The following CAPN15 variants were observed in gnomAD, a reference collection of about 807,000 sequenced individuals.
CAPN15 encodes the protein calpain 15.
Under a neutral mutation model 97.9 loss-of-function variants are expected in CAPN15, and 53 were observed. The observed-to-expected ratio is 0.54, with a 90% CI of 0.43 to 0.68. The LOEUF (loss-of-function observed/expected upper bound fraction) is 0.68. CAPN15 is among the 30% of genes least tolerant of loss of function. The probability of loss-of-function intolerance (pLI) is 0.00; values close to 1 mark genes in which losing one functional copy is unlikely to be tolerated. For synonymous variants in CAPN15, 922 were observed against 722.5 expected (o/e 1.28, Z -4.43); for missense variants, 1,592 against 1,589.8 (o/e 1.00, Z -0.02).
intron 3 of CAPN15, chr16:538,878 C>CG (rs1234682337): frequency 6.6e-6 from 1 of 151,782 alleles, no homozygotes; most frequent in African/African-American, 2.4e-5. Context: ...CACCCCCACC[C>CG]CCCCCAGCCC....
chr16:528,477 G>A (rs1235329440), intron 1 of CAPN15, among the ~76,000 whole-genome samples: 1 of 152,202 alleles, frequency 6.6e-6, no homozygotes, highest in African/African-American at 2.4e-5. Flanking sequence ...GCCTGGGGGC[G>A]GCCACCTGGC....
At chr16:544,896 G>A (rs1360883897) in intron 3 of CAPN15, among the ~76,000 whole-genome samples, 1 of 119,336 alleles carries the variant, frequency 8.4e-6, no homozygotes, top group African/African-American at 3.4e-5. Context: ...CTCCCCCCAC[G>A]TCGTCGTCTC....
At position 546,930 on chromosome 16, in the gene CAPN15, A is replaced by C; in HGVS notation, c.92A>C (p.His31Pro). 6.2e-7 allele frequency: 1 copy of C among 1,610,870 alleles called. No individual in the cohort carries two copies. The highest frequency in any genetic ancestry group is 1.1e-5 in the South Asian group (1 of 91,072). ...RQCSICEAPR[H>P]KPDLNHILRL... is the part of the protein sequence containing the mutation. ...TGCTCCATCTGCGAGGCTCCCCGGCACAAGCCCGACCTCAACCACATCCTG... is the reference window on the plus strand; with the variant it reads ...TGCTCCATCTGCGAGGCTCCCCGGCCCAAGCCCGACCTCAACCACATCCTG... The change falls in exon 4 of 14, where the codon CAC becomes CCC. Residue 31 changes from histidine (H) to proline (P), a missense_variant. His to Pro is a moderately conservative substitution (Grantham distance 77). This residue lies in a region of CAPN15 where 883 missense variants were observed against 776.6 expected (regional missense o/e 1.14). Transcript: ENST00000219611.
At chr16:528,637 G>A (rs2033024951) in intron 1 of CAPN15, 1 of 764,738 alleles carries the variant, frequency 1.3e-6, no homozygotes, top group Admixed American at 6.2e-5. Flanking sequence ...CCTGACCGGG[G>A]GAACTCTTGT....
At chr16:534,116 C>T (rs1052035432) in intron 2 of CAPN15, 118 bp downstream of exon 2, 2 of 247,868 alleles carry the variant, frequency 8.1e-6, no homozygotes, top group Admixed American at 1.5e-4. Flanking sequence ...GCCCTTGATT[C>T]ACAGAACCCC....
At position 552,741 on chromosome 16, in the gene CAPN15, G is replaced by A. The variant is rs981251693; in HGVS notation, c.2874G>A (p.Leu958=). The change falls in exon 12 of 14, where the codon CTG becomes CTA. Residue 958 remains leucine (L), a synonymous_variant. Coordinates refer to ENST00000219611, the MANE Select transcript of CAPN15 (RefSeq NM_005632.3). This position sits in a 1 kb window ranked among gnomAD's most constrained non-coding sequence, Gnocchi z 6.4. ...QPTTLADAII[L]LTESRGERHE... ...CCACGCTGGCCGACGCCATCATCCT[G>A]CTCACCGAGAGCCGCGGAGAGCGGC... 4 of 1,543,748 alleles carry A rather than the reference G, an allele frequency of 2.6e-6. No individual in the cohort carries two copies. Among genetic ancestry groups the A allele is most frequent in the Non-Finnish European group, 3.5e-6 (4 of 1,145,188 alleles).
chr16:537,343 C>A, intron 3 of CAPN15: 1 of 985,570 alleles, frequency 1.0e-6, no homozygotes, highest in Non-Finnish European at 1.2e-6. Context: ...GGCACCACTT[C>A]TGCCTTGGGC....
At chr16:537,134 G>A (rs1430158531) in intron 3 of CAPN15, 6 of 985,486 alleles carry the variant, frequency 6.1e-6, no homozygotes, top group Non-Finnish European at 7.2e-6. Flanking sequence ...TTCTCTGCAG[G>A]GTCCTCTCTT....
chr16:529,931 G>A (rs968501904), intron 1 of CAPN15, among the ~76,000 whole-genome samples: 1 of 152,112 alleles, frequency 6.6e-6, no homozygotes, highest in Admixed American at 6.5e-5. Flanking sequence ...GGGCTGCCTC[G>A]TGCGCTTTGC....
chr16:543,731 T>A (rs2034320728), intron 3 of CAPN15, among the ~76,000 whole-genome samples: 1 of 152,096 alleles, frequency 6.6e-6, no homozygotes, highest in South Asian at 2.1e-4. Flanking sequence ...CGCGGAGCCC[T>A]CCCCACCACG....
chr16:553,112 A>G lies in CAPN15; in HGVS notation c.3083+71A>G. 4.0e-6 allele frequency: 2 copies of G among 497,978 alleles called. 1 individual carries two copies. The highest frequency in any genetic ancestry group is 5.6e-6 in the Non-Finnish European group (2 of 355,586). The allele number at this position is 497,978 out of a possible 1,614,324, so 30.8% of individuals were successfully genotyped here. A position where few individuals can be genotyped will look rare whatever the true frequency, so the allele number is the denominator to read the frequency against. On this transcript the variant is annotated intron_variant, in intron 13 of 13. Coordinates refer to ENST00000219611, the MANE Select transcript of CAPN15 (RefSeq NM_005632.3). Reference sequence around the variant, plus strand: ...CCCCTACCCCGCTGCACCCACACCCAACTCGTGCCCCCCCACCCCTGCACA... The same window carrying G: ...CCCCTACCCCGCTGCACCCACACCCGACTCGTGCCCCCCCACCCCTGCACA...
rs535034601 is a variant in CAPN15 at position 530,047 on chromosome 16, G to A, written c.-190+2018G>A. Among the ~76,000 whole-genome samples the A allele has an allele frequency of 3.3e-5, 5 of 152,346 alleles. No homozygotes were observed. In the South Asian group the frequency reaches 8.3e-4, roughly 25 times the overall value. On this transcript the variant is annotated intron_variant, in intron 1 of 13. Coordinates refer to ENST00000219611, the MANE Select transcript of CAPN15 (RefSeq NM_005632.3). ...CTTGTTCTCTGCCTAAAGCCCTTCC[G>A]CATCCCTCGTACCCACTCGGTGTGG... is the stretch of plus-strand genomic sequence containing the variant.
chr16:537,101 C>T (rs961995911), intron 3 of CAPN15: 3 of 980,306 alleles, frequency 3.1e-6, no homozygotes, highest in Non-Finnish European at 3.6e-6. Context: ...GCTGTCCAGC[C>T]TCTGTGACAG....
chr16:528,589 G>A (rs2033021511), intron 1 of CAPN15, among the ~76,000 whole-genome samples: 1 of 152,246 alleles, frequency 6.6e-6, no homozygotes, highest in African/African-American at 2.4e-5. Flanking sequence ...TTGCAAATCT[G>A]CTGTCCTCCC....
intron 3 of CAPN15, among the ~76,000 whole-genome samples, chr16:541,020 G>A (rs1262152147): frequency 2.0e-5 from 3 of 152,236 alleles, no homozygotes; most frequent in South Asian, 2.1e-4. Context: ...AGTGGCCGCC[G>A]TTGCTCTCAC....
At chr16:544,532 C>G (rs901931984) in intron 3 of CAPN15, among the ~76,000 whole-genome samples, 1 of 152,158 alleles carries the variant, frequency 6.6e-6, no homozygotes, top group African/African-American at 2.4e-5. Flanking sequence ...CTCTGTCTTG[C>G]ACGCAGCGAG....
chr16:530,454 G>A (rs912882021), intron 1 of CAPN15, among the ~76,000 whole-genome samples: 14 of 152,240 alleles, frequency 9.2e-5, no homozygotes, highest in Admixed American at 3.3e-4. Context: ...CCCCTGTGGC[G>A]TGGACACGGC....
At position 547,778 on chromosome 16, in the gene CAPN15, A is replaced by G. The variant is rs752573091; in HGVS notation, c.940A>G (p.Ser314Gly). The G allele has an allele frequency of 1.2e-6, 2 of 1,611,226 alleles. No individual in the cohort carries two copies. The highest frequency in any genetic ancestry group is 1.7e-6 in the Non-Finnish European group (2 of 1,179,098). ...EGGTSRVEAGSSTSGSDIIDL... is the reference protein window; with the variant it reads ...EGGTSRVEAGGSTSGSDIIDL... Reference sequence around the variant, plus strand: ...TGGCACCAGCCGCGTAGAGGCCGGCAGCTCCACCTCGGGCAGTGACATCAT... The same window carrying G: ...TGGCACCAGCCGCGTAGAGGCCGGCGGCTCCACCTCGGGCAGTGACATCAT... Residue 314 changes from serine to glycine, a missense_variant, in exon 4 of 14, where the codon AGC becomes GGC. Coordinates refer to ENST00000219611, the MANE Select transcript of CAPN15 (RefSeq NM_005632.3).
At chr16:534,228 C>T (rs575410460) in intron 2 of CAPN15, among the ~76,000 whole-genome samples, 1 of 152,088 alleles carries the variant, frequency 6.6e-6, no homozygotes, top group Non-Finnish European at 1.5e-5. Context: ...CCCGGGGTCC[C>T]GACAGGGGTG....
Sources: gnomAD v4.1 joint callset for allele counts (sites outside exome capture counted in the v4.1 genomes callset) on GRCh38, gnomAD v4.1.1 for gene constraint, gnomAD v4.1.1 regional missense constraint, Gnocchi (gnomAD v3.1) non-coding constraint, MANE v1.5 for transcripts, NCBI Gene and HGNC (gene_info 2026-07-23, HGNC 2026-07-21) for gene names.